The following FAM240A variants were observed in gnomAD, a reference collection of about 807,000 sequenced individuals.
FAM240A encodes protein FAM240A.
FAM240A carries 8 observed loss-of-function variants against 7.3 expected under a neutral mutation model. The observed-to-expected ratio is 1.09, with a 90% confidence interval of 0.64 to 1.97. The LOEUF is 1.97. FAM240A is among the 30% of genes most tolerant of loss of function. FAM240A has a pLI of 0.00. For missense variants in FAM240A, 90 were observed against 102.2 expected, an observed-to-expected ratio of 0.88 and a Z score of 0.52; for synonymous variants, 32 against 35.9, an observed-to-expected ratio of 0.89 and a Z score of 0.38.
At position 46,625,840 on chromosome 3, in the gene FAM240A, C is replaced by T. The variant is rs948328610; in HGVS notation, c.*622C>T. The stretch of plus-strand genomic sequence containing the variant: ...ATAAAACTTGGTTGTCCTGTCATCA[C>T]TATGCACATGCCTTCATTTTATTGC... On this transcript the variant is annotated 3_prime_UTR_variant, in exon 3 of 3. Transcript: ENST00000640551. 6.6e-6 allele frequency: 1 copy of T among 152,190 alleles called. No homozygotes were observed. The highest frequency in any genetic ancestry group is 1.5e-5 in the Non-Finnish European group (1 of 68,036). The allele number at this position is 152,190 out of a possible 1,614,324, so 9.4% of individuals were successfully genotyped here. A position where few individuals can be genotyped will look rare whatever the true frequency, so the allele number is the denominator to read the frequency against.
intron 1 of FAM240A, 103 bp downstream of exon 1, chr3:46,612,801 C>T (rs747565648): frequency 6.8e-6 from 6 of 880,996 alleles, no homozygotes; most frequent in Non-Finnish European, 9.0e-6. Flanking sequence ...CGCAGCAGCA[C>T]GAATTCTCTC....
chr3:46,613,740 A>G (rs1228211710), intron 1 of FAM240A, among the ~76,000 whole-genome samples: 1 of 152,020 alleles, frequency 6.6e-6, no homozygotes, highest in African/African-American at 2.4e-5. Context: ...CCCTAGAAGG[A>G]GCCCCAAACC....
chr3:46,616,856 T>C (rs966110523), intron 1 of FAM240A, among the ~76,000 whole-genome samples: 4 of 152,196 alleles, frequency 2.6e-5, no homozygotes, highest in Non-Finnish European at 5.9e-5. Flanking sequence ...TTACTTCTTT[T>C]CCTTTGGGTA....
intron 1 of FAM240A, among the ~76,000 whole-genome samples, chr3:46,616,250 T>C (rs1697627887): frequency 6.6e-6 from 1 of 152,372 alleles, no homozygotes; most frequent in African/African-American, 2.4e-5. Context: ...GTCCTGTGGC[T>C]GGCCAGGTCT....
intron 1 of FAM240A, among the ~76,000 whole-genome samples, chr3:46,613,928 T>C (rs1697598897): frequency 6.6e-6 from 1 of 152,150 alleles, no homozygotes; most frequent in Non-Finnish European, 1.5e-5. Context: ...TTTGTTTGTT[T>C]GTTTGTTTGA....
At chr3:46,618,745 C>G (rs1165419458) in intron 2 of FAM240A, among the ~76,000 whole-genome samples, 1 of 151,786 alleles carries the variant, frequency 6.6e-6, no homozygotes, top group Admixed American at 6.6e-5. Context: ...GAGGCTGAGG[C>G]AGGAGAATCA....
intron 2 of FAM240A, among the ~76,000 whole-genome samples, chr3:46,621,668 G>A (rs1298923398): frequency 1.3e-5 from 2 of 152,058 alleles, no homozygotes; most frequent in African/African-American, 2.4e-5. Context: ...GAAAGGGGGA[G>A]TGGGGCTGAA....
At chr3:46,622,525 A>C (rs1697710113) in intron 2 of FAM240A, among the ~76,000 whole-genome samples, 2 of 152,202 alleles carry the variant, frequency 1.3e-5, no homozygotes, top group Non-Finnish European at 2.9e-5. Context: ...TAAGTTTTAC[A>C]TTTAGATTAA....
Position 46,619,789 on chromosome 3 carries a change from A to C in FAM240A, c.161+2461A>C, listed in dbSNP as rs115240468. Among the ~76,000 whole-genome samples, 793 of 152,302 alleles carry C rather than the reference A, an allele frequency of 5.2e-3. 2 individuals are homozygous for C. Among genetic ancestry groups the C allele is most frequent in the African/African-American group, 0.018 (737 of 41,570 alleles). On this transcript the variant is annotated intron_variant, in intron 2 of 2. Transcript: ENST00000640551. Reference sequence around the variant, plus strand: ...AGGGAAGAGAGAGTTGGGCAAATGTAGGAGAATGGACAAGAGCATTCTAGG... The same window carrying C: ...AGGGAAGAGAGAGTTGGGCAAATGTCGGAGAATGGACAAGAGCATTCTAGG...
chr3:46,616,635 C>A (rs190295019), intron 1 of FAM240A, among the ~76,000 whole-genome samples: 1 of 150,146 alleles, frequency 6.7e-6, no homozygotes, highest in South Asian at 2.1e-4. Context: ...CAGTTCCATC[C>A]GAGTTGCTGC....
At chr3:46,618,206 T>C (rs553712678) in intron 2 of FAM240A, among the ~76,000 whole-genome samples, 1 of 152,246 alleles carries the variant, frequency 6.6e-6, no homozygotes, top group East Asian at 1.9e-4. Context: ...TCCCAAAGCC[T>C]CTCCTGAGCC....
Position 46,614,689 on chromosome 3 carries a change from C to A in FAM240A, c.15+1991C>A, listed in dbSNP as rs575844612. On this transcript the variant is annotated intron_variant, in intron 1 of 2. Coordinates refer to ENST00000640551, the MANE Select transcript of FAM240A (RefSeq NM_001195442.2). ...AGGACAAACGCTCTTACCCAGTGCT[C>A]CTCTGGGCATGGCCCTACATAGGAC... 9.5e-4 allele frequency among the ~76,000 whole-genome samples: 145 copies of A among 152,334 alleles called. 1 individual carries two copies. The highest frequency in any genetic ancestry group is 3.0e-3 in the African/African-American group (124 of 41,564).
In FAM240A at chr3:46,619,955, G is replaced by C. The variant is rs148681617; in HGVS notation, c.161+2627G>C. ...CAGTGCTGAACATATAATAAGAAGT[G>C]CTCAAGAAAAGCATGCTTGACTGGA... is the stretch of plus-strand genomic sequence containing the variant. On this transcript the variant is annotated intron_variant, in intron 2 of 2. Transcript: ENST00000640551. Among the ~76,000 whole-genome samples the C allele has an allele frequency of 3.9e-5, 6 of 152,226 alleles. No individual in the cohort carries two copies. In the East Asian group the frequency reaches 1.2e-3, roughly 29 times the overall value.
chr3:46,618,854 G>T (rs2891885), intron 2 of FAM240A, among the ~76,000 whole-genome samples: 72,100 of 142,666 alleles, frequency 0.51, 18,371 homozygotes, highest in African/African-American at 0.54. Flanking sequence ...AAGAAAAAAA[G>T]ATATATATAT....
intron 2 of FAM240A, among the ~76,000 whole-genome samples, chr3:46,622,802 T>C (rs913814230): frequency 6.6e-6 from 1 of 152,244 alleles, no homozygotes; most frequent in Non-Finnish European, 1.5e-5. Flanking sequence ...AAGTCAGGTG[T>C]TGTAAGTCTT....
Position 46,612,563 on chromosome 3 carries a change from T to C in FAM240A, c.-121T>C. ...AGCGTTAAGGCTTGCGAGGGACAAA[T>C]GTTCCTTTGTTCTTGTTGATTTGCT... is the stretch of plus-strand genomic sequence containing the variant. On this transcript the variant is annotated 5_prime_UTR_variant, in exon 1 of 3. An upstream start codon of the reference 5' UTR is lost. Coordinates refer to ENST00000640551, the MANE Select transcript of FAM240A (RefSeq NM_001195442.2). 1.3e-6 allele frequency: 1 copy of C among 766,242 alleles called. No individual in the cohort carries two copies. The highest frequency in any genetic ancestry group is 2.2e-6 in the Non-Finnish European group (1 of 449,154). 47.5% of individuals were successfully genotyped at this position (766,242 alleles called of 1,614,324 possible).
At chr3:46,618,775 G>C (rs1397568379) in intron 2 of FAM240A, among the ~76,000 whole-genome samples, 2 of 151,820 alleles carry the variant, frequency 1.3e-5, no homozygotes, top group African/African-American at 4.8e-5. Context: ...GGGAGGCAGA[G>C]GTTGTGGTGA....
At chr3:46,618,191 T>C (rs985806362) in intron 2 of FAM240A, among the ~76,000 whole-genome samples, 1 of 152,188 alleles carries the variant, frequency 6.6e-6, no homozygotes, top group African/African-American at 2.4e-5. Flanking sequence ...AACTTACTGC[T>C]GCCTTCCCAA....
chr3:46,623,816 T>A (rs565258107), intron 2 of FAM240A, among the ~76,000 whole-genome samples: 27 of 152,364 alleles, frequency 1.8e-4, no homozygotes, highest in African/African-American at 6.5e-4. Context: ...TATTGTCTTT[T>A]AAAAATCCAA....
Sources: gnomAD v4.1 joint callset for allele counts (sites outside exome capture counted in the v4.1 genomes callset) on GRCh38, gnomAD v4.1.1 for gene constraint, MANE v1.5 for transcripts, NCBI Gene and HGNC (gene_info 2026-07-23, HGNC 2026-07-21) for gene names.